CCDC192: variants seen among roughly 807,000 people sequenced by gnomAD.
The protein encoded by CCDC192 is coiled-coil domain-containing protein 192.
chr5:127,740,528 A>G (rs779257099), intron 2 of CCDC192, among the ~76,000 whole-genome samples: 1 of 152,212 alleles, frequency 6.6e-6, no homozygotes, highest in Non-Finnish European at 1.5e-5. Context: ...TTCAATTTCA[A>G]TGAAGGATTT....
At chr5:127,843,259 C>T (rs1016365706) in intron 5 of CCDC192, among the ~76,000 whole-genome samples, 1 of 151,172 alleles carries the variant, frequency 6.6e-6, no homozygotes, top group Non-Finnish European at 1.5e-5. Context: ...CGGATGGTCT[C>T]GATCTCCTGA....
intron 6 of CCDC192, among the ~76,000 whole-genome samples, chr5:127,936,810 G>A (rs897569409): frequency 5.3e-5 from 8 of 152,166 alleles, no homozygotes; most frequent in Non-Finnish European, 1.2e-4. Context: ...CGGGAGACCC[G>A]CCTTGGCAAG....
intron 2 of CCDC192, among the ~76,000 whole-genome samples, chr5:127,749,985 C>G (rs535260093): frequency 7.0e-3 from 1,061 of 151,704 alleles, no homozygotes; most frequent in African/African-American, 0.024. Context: ...TTTATTGTGT[C>G]TATTTGATTC....
At chr5:127,717,928 C>CAAAAAAAAAAAAAAAAAAGAAAAAAA in intron 2 of CCDC192, among the ~76,000 whole-genome samples, 18 of 98,008 alleles carry the variant, frequency 1.8e-4, no homozygotes, top group African/African-American at 2.0e-4. Flanking sequence ...TAAAGCTAGA[C>CAAAAAAAAAAAAAAAAAAGAAAAAAA]AAAAAAAAAA....
intron 6 of CCDC192, among the ~76,000 whole-genome samples, chr5:127,894,187 A>ATTTTTTTTT (rs70997350): frequency 9.0e-6 from 1 of 111,022 alleles, no homozygotes; most frequent in African/African-American, 3.2e-5. Flanking sequence ...GTCCTATCTA[A>ATTTTTTTTT]TTTTTTTTTT....
intron 3 of CCDC192, among the ~76,000 whole-genome samples, chr5:127,776,305 G>A (rs569729252): frequency 5.6e-4 from 86 of 152,324 alleles, no homozygotes; most frequent in Non-Finnish European, 7.3e-4. Context: ...AAAGAGACTG[G>A]TGGCATTTTG....
intron 2 of CCDC192, among the ~76,000 whole-genome samples, chr5:127,732,259 T>C (rs1752683058): frequency 6.6e-6 from 1 of 152,156 alleles, no homozygotes; most frequent in South Asian, 2.1e-4. Context: ...GCATCACTGA[T>C]CATTAGAGAA....
chr5:127,898,628 A>G (rs1752959181), intron 6 of CCDC192, among the ~76,000 whole-genome samples: 1 of 152,170 alleles, frequency 6.6e-6, no homozygotes, highest in Non-Finnish European at 1.5e-5. Flanking sequence ...GCATGAACAC[A>G]ACAGAGCATG....
intron 2 of CCDC192, among the ~76,000 whole-genome samples, chr5:127,733,158 G>T (rs916784183): frequency 6.6e-6 from 1 of 152,142 alleles, no homozygotes; most frequent in South Asian, 2.1e-4. Context: ...ATAACTATGT[G>T]CATTTTCTAA....
chr5:127,785,465 T>G (rs1756487603), intron 3 of CCDC192: 2 of 236,952 alleles, frequency 8.4e-6, no homozygotes, highest in African/African-American at 4.6e-5. Context: ...AAGCTTGCTT[T>G]AACTTAGAGA....
chr5:127,897,716 C>A (rs112387350), intron 6 of CCDC192, among the ~76,000 whole-genome samples: 257 of 150,038 alleles, frequency 1.7e-3, no homozygotes, highest in African/African-American at 5.7e-3. Flanking sequence ...ATTTTTTTTT[C>A]TTTTAAAATT....
chr5:127,756,878 C>A (rs900729296), intron 3 of CCDC192, among the ~76,000 whole-genome samples: 18 of 152,348 alleles, frequency 1.2e-4, no homozygotes, highest in African/African-American at 3.8e-4. Context: ...GGTCTTATTT[C>A]TCTCACTGTC....
chr5:127,768,979 G>T (rs1043864470), intron 3 of CCDC192, among the ~76,000 whole-genome samples: 1 of 152,194 alleles, frequency 6.6e-6, no homozygotes, highest in African/African-American at 2.4e-5. Context: ...AGAACGCTTT[G>T]TTTTTAAATT....
At chr5:127,708,389 A>G (rs1205307093) in intron 2 of CCDC192, among the ~76,000 whole-genome samples, 1 of 152,188 alleles carries the variant, frequency 6.6e-6, no homozygotes, top group African/African-American at 2.4e-5. Context: ...ACAGAAGATC[A>G]TTATACCAAT....
Position 127,848,138 on chromosome 5 carries a change from C to T in CCDC192, c.412-27400C>T, listed in dbSNP as rs1233419379. Reference sequence around the variant, plus strand: ...TCCTGAGTGGCTACAGTTTTCTTATCATTACTGCTCCTAAGCATGGTCCTG... The same window carrying T: ...TCCTGAGTGGCTACAGTTTTCTTATTATTACTGCTCCTAAGCATGGTCCTG... On this transcript the variant is annotated intron_variant, in intron 5 of 6. Coordinates refer to ENST00000514853, the MANE Select transcript of CCDC192 (RefSeq NM_001317938.2). Among the ~76,000 whole-genome samples, 3 of 152,130 alleles carry T rather than the reference C, an allele frequency of 2.0e-5. No homozygotes were observed. The East Asian group carries it at 5.8e-4, about 30-fold the overall frequency.
At chr5:127,940,811 C>T (rs1005056438) in intron 6 of CCDC192, 2 of 165,334 alleles carry the variant, frequency 1.2e-5, no homozygotes, top group Admixed American at 6.4e-5. Context: ...TTGATTATAG[C>T]TCTTGTGAAA....
At chr5:127,808,321 A>T (rs998849371) in intron 5 of CCDC192, among the ~76,000 whole-genome samples, 2 of 151,926 alleles carry the variant, frequency 1.3e-5, no homozygotes, top group Non-Finnish European at 2.9e-5. Context: ...CTCACTTAGT[A>T]TATCTACCTT....
chr5:127,789,578 G>A (rs879194549), intron 3 of CCDC192, among the ~76,000 whole-genome samples: 2 of 152,238 alleles, frequency 1.3e-5, no homozygotes. Context: ...AATACCAAGG[G>A]TGTGGCCAAG....
intron 3 of CCDC192, among the ~76,000 whole-genome samples, chr5:127,775,392 A>T (rs1266161009): frequency 6.6e-6 from 1 of 152,086 alleles, no homozygotes; most frequent in African/African-American, 2.4e-5. Context: ...GCCTATCTTG[A>T]CTTATTCATC....
Sources: allele counts gnomAD v4.1 joint callset (sites outside exome capture counted in the v4.1 genomes callset), GRCh38; gene constraint gnomAD v4.1.1; transcripts MANE v1.5; gene names NCBI Gene and HGNC (gene_info 2026-07-23, HGNC 2026-07-21).